ABCB5: variants seen among roughly 807,000 people sequenced by gnomAD.
The protein encoded by ABCB5 is ATP-binding cassette sub-family B member 5.
A neutral mutation model predicts 144.2 loss-of-function variants in ABCB5; 155 were observed. That is an observed-to-expected ratio of 1.08 (90% CI 0.94 to 1.23). ABCB5 has a LOEUF of 1.23. Ranked by LOEUF, ABCB5 falls within the 50% of genes most tolerant of loss-of-function variation. The pLI, the probability that ABCB5 is intolerant of heterozygous loss-of-function variation, is 0.00. For synonymous variants in ABCB5, 610 were observed against 528.6 expected (o/e 1.15, Z -2.11); for missense variants, 1,830 against 1,520.8 (o/e 1.20, Z -3.38).
Position 20,645,885 on chromosome 7 carries a change from T to A in ABCB5, c.803+5T>A. On this transcript the variant is annotated splice_donor_5th_base_variant and intron_variant, in intron 8 of 27. Coordinates refer to ENST00000404938, the MANE Select transcript of ABCB5 (RefSeq NM_001163941.2). ...CCAGGAGAAAGAACTTCAAAGGTCT[T>A]TCCTTTTAAATATAACAAGATATGC... 6.2e-7 allele frequency: 1 copy of A among 1,612,894 alleles called. No individual in the cohort carries two copies. The highest frequency in any genetic ancestry group is 1.3e-5 in the African/African-American group (1 of 74,892).
chr7:20,748,703 A>G (rs1324140899), intron 26 of ABCB5, among the ~76,000 whole-genome samples: 3 of 151,650 alleles, frequency 2.0e-5, no homozygotes, highest in Non-Finnish European at 4.4e-5. Flanking sequence ...TCTTGAGCAA[A>G]TAAGTGGAGC....
At chr7:20,719,839 C>T (rs1000035623) in intron 20 of ABCB5, among the ~76,000 whole-genome samples, 6 of 152,044 alleles carry the variant, frequency 3.9e-5, no homozygotes, top group African/African-American at 1.4e-4. Context: ...CTGGAAATAA[C>T]CTTACAATGT....
At chr7:20,631,768 T>C (rs1784042752) in intron 4 of ABCB5, among the ~76,000 whole-genome samples, 1 of 152,130 alleles carries the variant, frequency 6.6e-6, no homozygotes, top group African/African-American at 2.4e-5. Flanking sequence ...AACTATTACT[T>C]TCCTGATTGT....
intron 3 of ABCB5, among the ~76,000 whole-genome samples, chr7:20,628,182 CG>C (rs1374179733): frequency 2.6e-5 from 4 of 152,080 alleles, no homozygotes; most frequent in Non-Finnish European, 4.4e-5. Context: ...CAACAGGCCC[CG>C]GTGTGTGATG....
At chr7:20,632,855 C>A in intron 5 of ABCB5, among the ~76,000 whole-genome samples, 1 of 93,312 alleles carries the variant, frequency 1.1e-5, no homozygotes, top group Non-Finnish European at 2.0e-5. Flanking sequence ...ACTCTGGGGA[C>A]TGTTGTGGGG....
intron 4 of ABCB5, among the ~76,000 whole-genome samples, chr7:20,629,698 G>A (rs896403835): frequency 6.6e-6 from 1 of 152,054 alleles, no homozygotes; most frequent in South Asian, 2.1e-4. Context: ...GGAGGCAGAG[G>A]TTGCATTGAG....
At chr7:20,668,979 G>C (rs2128034705) in intron 14 of ABCB5, among the ~76,000 whole-genome samples, 2 of 117,088 alleles carry the variant, frequency 1.7e-5, no homozygotes, top group Admixed American at 8.2e-5. Flanking sequence ...GGAGGTGGGG[G>C]GGTCAGCCCC....
intron 20 of ABCB5, among the ~76,000 whole-genome samples, chr7:20,711,868 C>G (rs71530674): frequency 1.9e-5 from 1 of 51,762 alleles, no homozygotes; most frequent in African/African-American, 9.1e-5. Flanking sequence ...TTTCCTTCCT[C>G]CCTCCCTCCC....
chr7:20,679,401 G>A (rs1785715602), intron 14 of ABCB5, among the ~76,000 whole-genome samples: 1 of 141,812 alleles, frequency 7.1e-6, no homozygotes, highest in Non-Finnish European at 1.5e-5. Context: ...AACCTGGGAG[G>A]CAGCTGTTGC....
chr7:20,667,012 T>C (rs191888501), intron 14 of ABCB5: 12 of 667,474 alleles, frequency 1.8e-5, no homozygotes, highest in Non-Finnish European at 2.6e-5. Context: ...TATATCGGTT[T>C]TAGGTCACAT....
chr7:20,664,008 G>A (rs1049583858), intron 14 of ABCB5, among the ~76,000 whole-genome samples: 9 of 147,294 alleles, frequency 6.1e-5, no homozygotes, highest in East Asian at 2.0e-4. Context: ...GAGCCACTGC[G>A]CCCAGTCAGG....
chr7:20,639,743 C>T (rs1015326505), intron 5 of ABCB5, among the ~76,000 whole-genome samples: 1 of 152,162 alleles, frequency 6.6e-6, no homozygotes, highest in African/African-American at 2.4e-5. Flanking sequence ...GTTTCGATTA[C>T]TGTAGTTTTA....
At chr7:20,695,617 A>T (rs1487869645) in intron 16 of ABCB5, among the ~76,000 whole-genome samples, 1 of 152,000 alleles carries the variant, frequency 6.6e-6, no homozygotes, top group Non-Finnish European at 1.5e-5. Context: ...ACTTCAAAGA[A>T]AATGAAAAGG....
chr7:20,660,054 C>G, intron 14 of ABCB5: 1 of 985,342 alleles, frequency 1.0e-6, no homozygotes, highest in East Asian at 1.1e-4. Flanking sequence ...ATGTTGTGCC[C>G]GCAGTATTTT....
intron 24 of ABCB5, among the ~76,000 whole-genome samples, chr7:20,740,948 A>G (rs987379904): frequency 2.0e-5 from 3 of 151,942 alleles, no homozygotes; most frequent in African/African-American, 7.3e-5. Flanking sequence ...CGCTAACAAA[A>G]ACACAAAAAT....
In ABCB5 at chr7:20,650,061, A is replaced by G; in HGVS notation, c.1246A>G (p.Thr416Ala). ...GAATCTCAGAATTAAGTCTGGAGAG[A>G]CAGTCGCCTTGGTCGGTCTCAATGG... ...GLNLRIKSGE[T>A]VALVGLNGSG... is the part of the protein sequence containing the mutation. The change falls in exon 12 of 28, where the codon ACA (threonine) becomes GCA (alanine). Residue 416 changes from threonine (T) to alanine (A), a missense_variant. By Grantham distance (58) the Thr-to-Ala change is moderately conservative (BLOSUM62 0). Transcript: ENST00000404938. The G allele has an allele frequency of 6.2e-7, 1 of 1,613,542 alleles. No homozygotes were observed. The highest frequency in any genetic ancestry group is 8.5e-7 in the Non-Finnish European group (1 of 1,179,636).
chr7:20,751,886 G>A (rs576226469), intron 26 of ABCB5, among the ~76,000 whole-genome samples: 5 of 152,330 alleles, frequency 3.3e-5, no homozygotes, highest in African/African-American at 1.2e-4. Flanking sequence ...GAGCATTCAC[G>A]TCAGAGAAGA....
chr7:20,642,341 G>C (rs566067510), intron 5 of ABCB5, among the ~76,000 whole-genome samples: 2 of 152,180 alleles, frequency 1.3e-5, no homozygotes, highest in East Asian at 1.9e-4. Flanking sequence ...CCTCTCCCTG[G>C]AATGCACTTC....
At chr7:20,650,340 T>C (rs1331547868) in intron 12 of ABCB5, among the ~76,000 whole-genome samples, 193 bp downstream of exon 12, 1 of 152,194 alleles carries the variant, frequency 6.6e-6, no homozygotes, top group Non-Finnish European at 1.5e-5. Flanking sequence ...CTGTTTTAGG[T>C]TCTGAGAATA....
Sources: allele counts gnomAD v4.1 joint callset (sites outside exome capture counted in the v4.1 genomes callset), GRCh38; gene constraint gnomAD v4.1.1; transcripts MANE v1.5; gene names NCBI Gene and HGNC (gene_info 2026-07-23, HGNC 2026-07-21).